The following PSMG4 variants were observed in gnomAD, a reference collection of about 807,000 sequenced individuals.
The protein encoded by PSMG4 is proteasome assembly chaperone 4, also known as proteasome (prosome, macropain) assembly chaperone 4.
A neutral mutation model predicts 11.0 loss-of-function variants in PSMG4; 10 were observed. That is an observed-to-expected ratio of 0.91 (90% CI 0.56 to 1.54). The LOEUF (loss-of-function observed/expected upper bound fraction) is 1.54. Ranked by LOEUF, PSMG4 falls within the 40% of genes most tolerant of loss-of-function variation. PSMG4 has a pLI of 0.00. For synonymous variants in PSMG4, 95 were observed against 71.3 expected (o/e 1.33, Z -1.68); for missense variants, 198 against 160.9 (o/e 1.23, Z -1.25).
intron 2 of PSMG4, chr6:3,266,676 G>T (rs1758193336): frequency 6.6e-6 from 1 of 151,910 alleles, no homozygotes; most frequent in African/African-American, 2.4e-5. Flanking sequence ...CTGTAGAAGG[G>T]GACTAAAACT....
intron 1 of PSMG4, among the ~76,000 whole-genome samples, chr6:3,260,283 A>ATTTTTT (rs1561840875): frequency 6.6e-5 from 2 of 30,220 alleles, no homozygotes; most frequent in African/African-American, 2.6e-4. Context: ...AATTGTATAT[A>ATTTTTT]TATATATATT....
chr6:3,262,201 G>C (rs1758017025), intron 1 of PSMG4, among the ~76,000 whole-genome samples: 1 of 152,198 alleles, frequency 6.6e-6, no homozygotes. Flanking sequence ...GGAAGGTGGT[G>C]CTTCAGCTGC....
At chr6:3,255,088 A>C, upstream of PSMG4, 3 of 1,550,896 alleles carry the variant, frequency 1.9e-6, no homozygotes, top group African/African-American at 1.4e-5. Context: ...ATTCCTAAGA[A>C]GTTGGCTGCA....
upstream of PSMG4, chr6:3,255,034 T>G: frequency 6.5e-7 from 1 of 1,549,676 alleles, no homozygotes. Context: ...AATGGCGCTT[T>G]CTGATTCTCT....
At chr6:3,255,107 C>T (rs999941623), upstream of PSMG4, 3 of 1,550,914 alleles carry the variant, frequency 1.9e-6, no homozygotes, top group African/African-American at 2.7e-5. Context: ...CATAGGAGCA[C>T]AACATCACCA....
upstream of PSMG4, among the ~76,000 whole-genome samples, chr6:3,257,200 G>A (rs113609278): frequency 5.6e-3 from 852 of 152,282 alleles, 6 homozygotes; most frequent in Middle Eastern, 0.024. Context: ...GTCAGCTCAG[G>A]GTTTGGGGAG....
chr6:3,263,204 CAG>C lies in PSMG4; in HGVS notation c.175-479_175-478del, dbSNP rs1234631542. Among the ~76,000 whole-genome samples, 7 of 152,216 alleles carry C rather than the reference CAG, an allele frequency of 4.6e-5. No individual in the cohort carries two copies. In the East Asian group the frequency reaches 5.8e-4, roughly 13 times the overall value. On this transcript the variant is annotated intron_variant, in intron 1 of 2. Coordinates refer to ENST00000438998, the MANE Select transcript of PSMG4 (RefSeq NM_001128591.2). Reference sequence around the variant, plus strand: ...GCACTCGCTGACCCTGAGGAGCCCACAGGGGCTGGAGCAGCATGCTCCCTCAC... The same window carrying C: ...GCACTCGCTGACCCTGAGGAGCCCACGGGCTGGAGCAGCATGCTCCCTCAC...
At chr6:3,258,570 T>G (rs1435424872), upstream of PSMG4, among the ~76,000 whole-genome samples, 4 of 152,136 alleles carry the variant, frequency 2.6e-5, no homozygotes, top group Non-Finnish European at 5.9e-5. Context: ...TTAATTAAAT[T>G]AATGTCTGTA....
intron 1 of PSMG4, among the ~76,000 whole-genome samples, chr6:3,259,688 C>T (rs1044416735): frequency 5.9e-5 from 9 of 152,216 alleles, no homozygotes; most frequent in Non-Finnish European, 1.0e-4. Flanking sequence ...GCGTTCAGAG[C>T]CTCGCAGTTG....
chr6:3,257,934 G>C (rs1455421503), upstream of PSMG4, among the ~76,000 whole-genome samples: 2 of 152,200 alleles, frequency 1.3e-5, no homozygotes, highest in Non-Finnish European at 2.9e-5. Flanking sequence ...TCGATAATTA[G>C]CAAATAGAAC....
upstream of PSMG4, among the ~76,000 whole-genome samples, chr6:3,258,286 CAG>C (rs776820740): frequency 1.3e-5 from 2 of 152,242 alleles, no homozygotes; most frequent in South Asian, 2.1e-4. Context: ...AACTGAGTCT[CAG>C]AGAGGTTAAG....
At chr6:3,255,826 A>C (rs1343742897), upstream of PSMG4, among the ~76,000 whole-genome samples, 2 of 152,132 alleles carry the variant, frequency 1.3e-5, no homozygotes, top group Non-Finnish European at 1.5e-5. Flanking sequence ...AATTGTGGGC[A>C]AAACTGTAAA....
At chr6:3,255,980 G>C (rs1757749059), upstream of PSMG4, among the ~76,000 whole-genome samples, 1 of 152,224 alleles carries the variant, frequency 6.6e-6, no homozygotes, top group Admixed American at 6.5e-5. Flanking sequence ...TTCCACATCT[G>C]CTATGGCAGC....
At chr6:3,264,311 C>T in intron 2 of PSMG4, 2 of 1,550,870 alleles carry the variant, frequency 1.3e-6, no homozygotes, top group Non-Finnish European at 1.7e-6. Context: ...CCCCAACACA[C>T]TTCCTGTGGG....
At chr6:3,263,028 C>T (rs1046757723) in intron 1 of PSMG4, among the ~76,000 whole-genome samples, 4 of 152,194 alleles carry the variant, frequency 2.6e-5, no homozygotes, top group South Asian at 2.1e-4. Flanking sequence ...CCCACATCGC[C>T]GGAGGGCCCA....
chr6:3,264,228 C>T (rs1301726136), intron 2 of PSMG4: 1 of 1,551,368 alleles, frequency 6.4e-7, no homozygotes, highest in African/African-American at 1.4e-5. Context: ...GGAAGACTGG[C>T]CTGGCCTGTG....
upstream of PSMG4, chr6:3,255,007 T>C (rs775381954): frequency 5.2e-6 from 8 of 1,540,300 alleles, no homozygotes; most frequent in East Asian, 9.8e-5. Flanking sequence ...CGCACTCCCA[T>C]GTGGGAGCGC....
upstream of PSMG4, chr6:3,255,121 T>C (rs557328088): frequency 1.2e-5 from 18 of 1,550,952 alleles, no homozygotes; most frequent in Non-Finnish European, 1.5e-5. Context: ...ATCACCAGCT[T>C]ACCACGTATT....
chr6:3,258,673 A>G (rs1330888074), upstream of PSMG4, among the ~76,000 whole-genome samples: 2 of 152,136 alleles, frequency 1.3e-5, no homozygotes, highest in East Asian at 1.9e-4. Context: ...GGGGAAACAA[A>G]GCGAGGGTGA....
Sources: allele counts gnomAD v4.1 joint callset (sites outside exome capture counted in the v4.1 genomes callset), GRCh38; gene constraint gnomAD v4.1.1; transcripts MANE v1.5; gene names NCBI Gene and HGNC (gene_info 2026-07-23, HGNC 2026-07-21).